Variants in PTPRT observed in about 807,000 individuals in gnomAD.
PTPRT encodes protein tyrosine phosphatase receptor type T.
PTPRT carries 56 observed loss-of-function variants against 176.8 expected under a neutral mutation model. That is an observed-to-expected ratio of 0.32 (90% CI 0.26 to 0.40). The LOEUF (loss-of-function observed/expected upper bound fraction) is 0.40. PTPRT is among the 10% of genes least tolerant of loss of function. The pLI, the probability that PTPRT is intolerant of heterozygous loss-of-function variation, is 1.00. For synonymous variants in PTPRT, 783 were observed against 739.0 expected (o/e 1.06, Z -0.96); for missense variants, 1,540 against 1,908.2 (o/e 0.81, Z 3.60).
chr20:42,681,158 A>G (rs890819794), intron 6 of PTPRT, among the ~76,000 whole-genome samples: 5 of 152,254 alleles, frequency 3.3e-5, no homozygotes, highest in Admixed American at 1.3e-4. Flanking sequence ...TTAAAAATAC[A>G]TAGACAAACC....
chr20:43,178,663 C>T (rs2015177924), intron 1 of PTPRT, among the ~76,000 whole-genome samples: 1 of 152,172 alleles, frequency 6.6e-6, no homozygotes, highest in African/African-American at 2.4e-5. Context: ...TGACCCAGGC[C>T]TGTTAAGTGC....
intron 19 of PTPRT, among the ~76,000 whole-genome samples, chr20:42,124,266 C>T (rs373014831): frequency 4.6e-5 from 7 of 152,348 alleles, no homozygotes; most frequent in East Asian, 3.9e-4. Flanking sequence ...CTACACAGCA[C>T]GCAGATTGAC....
intron 2 of PTPRT, among the ~76,000 whole-genome samples, chr20:42,870,562 A>G (rs561900836): frequency 6.6e-6 from 1 of 152,366 alleles, no homozygotes; most frequent in East Asian, 1.9e-4. Flanking sequence ...CGGACTGCAC[A>G]TATGAAGGTG....
At chr20:42,895,349 A>G (rs762919965) in intron 1 of PTPRT, among the ~76,000 whole-genome samples, 22 of 152,186 alleles carry the variant, frequency 1.4e-4, no homozygotes, top group African/African-American at 4.6e-4. Context: ...TCCCAGCCCA[A>G]TGGAACTAAG....
In PTPRT at chr20:42,178,334, A is replaced by G. The variant is rs57480672; in HGVS notation, c.2492-16792T>C. ...CAAGTCATAAGGGAGTCAATGTTAC[A>G]GGGAAACAGTCCCTGAATAGTTGCC... is the stretch of plus-strand genomic sequence containing the variant. On this transcript the variant is annotated intron_variant, in intron 16 of 30. Transcript: ENST00000373187. 5.1e-3 allele frequency among the ~76,000 whole-genome samples: 775 copies of G among 152,272 alleles called. 7 individuals carry two copies. The highest frequency in any genetic ancestry group is 0.017 in the African/African-American group (720 of 41,558).
At chr20:42,623,711 T>C (rs2145865686) in intron 7 of PTPRT, among the ~76,000 whole-genome samples, 1 of 152,232 alleles carries the variant, frequency 6.6e-6, no homozygotes, top group Admixed American at 6.5e-5. Context: ...GTGCTTCTTC[T>C]GGGACCCCTT....
intron 7 of PTPRT, among the ~76,000 whole-genome samples, chr20:42,556,324 C>T (rs1210293381): frequency 6.6e-6 from 1 of 152,158 alleles, no homozygotes; most frequent in African/African-American, 2.4e-5. Flanking sequence ...TCTTTTACAT[C>T]TCACTAGAAC....
intron 3 of PTPRT, among the ~76,000 whole-genome samples, 160 bp downstream of exon 3, chr20:42,791,035 C>T (rs1005710487): frequency 1.3e-5 from 2 of 152,186 alleles, no homozygotes; most frequent in Non-Finnish European, 2.9e-5. Context: ...GGGACAGCGG[C>T]TGTGTTAGGT....
chr20:43,062,166 T>G (rs1987490268), intron 1 of PTPRT, among the ~76,000 whole-genome samples: 1 of 152,162 alleles, frequency 6.6e-6, no homozygotes, highest in South Asian at 2.1e-4. Flanking sequence ...ATCAGGGTGG[T>G]GATTAGCTGG....
intron 5 of PTPRT, among the ~76,000 whole-genome samples, chr20:42,758,357 T>C (rs1229948262): frequency 1.3e-5 from 2 of 152,010 alleles, no homozygotes; most frequent in Non-Finnish European, 2.9e-5. Flanking sequence ...CAGGTACAGG[T>C]AGAGCCACAC....
chr20:42,115,384 G>C, intron 21 of PTPRT, 69 bp from the exon 22 acceptor site: 2 of 1,175,780 alleles, frequency 1.7e-6, no homozygotes, highest in South Asian at 2.4e-5. Context: ...ATGGCTGAGT[G>C]TGAGCAGCTG....
chr20:42,447,124 T>G (rs1466500685), intron 9 of PTPRT, among the ~76,000 whole-genome samples: 1 of 152,074 alleles, frequency 6.6e-6, no homozygotes, highest in African/African-American at 2.4e-5. Flanking sequence ...AGCTCACCTT[T>G]CCTTATGGCA....
chr20:42,628,308 T>G (rs1035778971), intron 7 of PTPRT, among the ~76,000 whole-genome samples: 6 of 152,166 alleles, frequency 3.9e-5, no homozygotes, highest in African/African-American at 1.4e-4. Flanking sequence ...ACCACCTTTT[T>G]TTTTGTGATG....
chr20:43,036,670 C>T (rs534894557), intron 1 of PTPRT, among the ~76,000 whole-genome samples: 3 of 152,064 alleles, frequency 2.0e-5, no homozygotes, highest in Non-Finnish European at 2.9e-5. Context: ...AAAACTCAAT[C>T]CCACTCAAAA....
rs1569038691 is a variant in PTPRT at position 42,634,040 on chromosome 20, ATTATATATATATTATAAATAT to A, written c.1153+43805_1153+43825del. Among the ~76,000 whole-genome samples the A allele has an allele frequency of 3.7e-3, 112 of 30,256 alleles. 6 individuals are homozygous for A. The highest frequency in any genetic ancestry group is 0.018 in the African/African-American group (111 of 6,186). The allele number at this position is 30,256 out of a possible 152,430, so 19.8% of individuals were successfully genotyped here. A position where few individuals can be genotyped will look rare whatever the true frequency, so the allele number is the denominator to read the frequency against. On this transcript the variant is annotated intron_variant, in intron 7 of 30. Coordinates refer to ENST00000373187, the MANE Select transcript of PTPRT (RefSeq NM_007050.6). ...TATATATAATATATATATTATATAT[ATTATATATATATTATAAATAT>A]ATAATATATATATAATATATATATA...
At position 42,907,405 on chromosome 20, in the gene PTPRT, C is replaced by CA. The variant is rs547466572; in HGVS notation, c.89-21474dup. 3.8e-3 allele frequency among the ~76,000 whole-genome samples: 574 copies of CA among 152,094 alleles called. 6 individuals carry two copies. The highest frequency in any genetic ancestry group is 0.013 in the African/African-American group (551 of 41,502). On this transcript the variant is annotated intron_variant, in intron 1 of 30. Coordinates refer to ENST00000373187, the MANE Select transcript of PTPRT (RefSeq NM_007050.6). ...ATCAGTGTATCAAACCCTCCAACCTCAACGTTGACTGGAATGAAGAAAAGG... is the reference window on the plus strand; with the variant it reads ...ATCAGTGTATCAAACCCTCCAACCTCAAACGTTGACTGGAATGAAGAAAAGG...
chr20:42,047,591 T>A, the PTPRT span, among the ~76,000 whole-genome samples: 20 of 152,240 alleles, frequency 1.3e-4, no homozygotes, highest in Non-Finnish European at 2.6e-4. Context: ...AATACTGGCA[T>A]TCAGGTATAT....
intron 7 of PTPRT, among the ~76,000 whole-genome samples, chr20:42,474,699 T>G (rs985503283): frequency 3.4e-4 from 52 of 152,130 alleles, no homozygotes; most frequent in African/African-American, 1.2e-3. Flanking sequence ...GCTAAACATC[T>G]CGCAGTTGTA....
intron 15 of PTPRT, among the ~76,000 whole-genome samples, chr20:42,219,986 C>G (rs144399804): frequency 6.6e-6 from 1 of 151,934 alleles, no homozygotes; most frequent in South Asian, 2.1e-4. Context: ...TTTTGAGTAA[C>G]GAAATTATTT....
Sources: allele counts gnomAD v4.1 joint callset (sites outside exome capture counted in the v4.1 genomes callset), GRCh38; gene constraint gnomAD v4.1.1; transcripts MANE v1.5; gene names NCBI Gene and HGNC (gene_info 2026-07-23, HGNC 2026-07-21).